Variants in SCAPER observed in about 807,000 individuals in gnomAD.
SCAPER encodes the protein S-phase cyclin A associated protein in the ER, also known as S phase cyclin A-associated protein in the endoplasmic reticulum.
A neutral mutation model predicts 182.2 loss-of-function variants in SCAPER; 98 were observed. The ratio of observed to expected loss-of-function variants is 0.54; its 90% CI spans 0.46 to 0.64. The LOEUF is 0.64. SCAPER is among the 30% of genes least tolerant of loss of function. SCAPER has a pLI of 0.00. For missense variants in SCAPER, 1,432 were observed against 1,690.0 expected (o/e 0.85, Z 2.68); for synonymous variants, 605 against 564.6 (o/e 1.07, Z -1.01).
chr15:76,685,767 GACA>G lies in SCAPER; in HGVS notation c.2508+15988_2508+15990del, dbSNP rs564568705. On this transcript the variant is annotated intron_variant, in intron 20 of 31. Transcript: ENST00000563290. ...AAAAAGATCTTGTTCTCCTGTGTAG[GACA>G]ACAAGTTTCTTAAGTAAGATAACAT... 7.4e-4 allele frequency among the ~76,000 whole-genome samples: 112 copies of G among 152,052 alleles called. 2 individuals carry two copies. The South Asian group carries it at 0.015, about 20-fold the overall frequency.
chr15:76,382,910 C>CT (rs2043044078), intron 27 of SCAPER, among the ~76,000 whole-genome samples: 1 of 152,080 alleles, frequency 6.6e-6, no homozygotes, highest in Non-Finnish European at 1.5e-5. Context: ...TCATGACACT[C>CT]TGATTTTTCT....
intron 1 of SCAPER, among the ~76,000 whole-genome samples, chr15:76,897,811 C>T (rs2074520347): frequency 6.6e-6 from 1 of 152,174 alleles, no homozygotes; most frequent in Non-Finnish European, 1.5e-5. Flanking sequence ...AATTAGGCAC[C>T]TGACAGATTA....
intron 23 of SCAPER, among the ~76,000 whole-genome samples, chr15:76,518,314 T>C (rs2042589935): frequency 6.6e-6 from 1 of 152,202 alleles, no homozygotes; most frequent in African/African-American, 2.4e-5. Flanking sequence ...TCAGCAGAGA[T>C]ACTGCTTCAG....
intron 8 of SCAPER, among the ~76,000 whole-genome samples, chr15:76,790,212 CAG>C (rs2064906212): frequency 7.4e-6 from 1 of 135,738 alleles, no homozygotes; most frequent in Non-Finnish European, 1.6e-5. Flanking sequence ...GCCTGGGAGA[CAG>C]AGCAAGACTC....
chr15:76,776,942 T>C (rs1469428880), intron 8 of SCAPER, among the ~76,000 whole-genome samples: 1 of 151,996 alleles, frequency 6.6e-6, no homozygotes, highest in Non-Finnish European at 1.5e-5. Context: ...GGCTGAAAAA[T>C]TCCTAAATTT....
chr15:76,722,640 C>T (rs1211790663), intron 17 of SCAPER, among the ~76,000 whole-genome samples: 1 of 152,170 alleles, frequency 6.6e-6, no homozygotes, highest in Non-Finnish European at 1.5e-5. Flanking sequence ...TCAACTTCTT[C>T]CTGGTTAAGT....
At chr15:76,379,376 T>C (rs2042785363) in intron 28 of SCAPER, among the ~76,000 whole-genome samples, 1 of 152,128 alleles carries the variant, frequency 6.6e-6, no homozygotes, top group African/African-American at 2.4e-5. Flanking sequence ...ACTGGAGAAT[T>C]GTGAGAACCA....
At chr15:76,649,469 A>T (rs1366812735) in intron 21 of SCAPER, among the ~76,000 whole-genome samples, 4 of 152,032 alleles carry the variant, frequency 2.6e-5, no homozygotes, top group African/African-American at 9.7e-5. Flanking sequence ...CAGCAACAAC[A>T]AACAAATCAG....
chr15:76,897,512 C>A (rs768521750), intron 1 of SCAPER, among the ~76,000 whole-genome samples: 16 of 152,050 alleles, frequency 1.1e-4, no homozygotes, highest in Non-Finnish European at 2.1e-4. Flanking sequence ...TCAAGACCAG[C>A]CTGGACAACA....
intron 17 of SCAPER, among the ~76,000 whole-genome samples, chr15:76,710,655 A>C (rs1238455824): frequency 6.6e-6 from 1 of 152,160 alleles, no homozygotes; most frequent in Non-Finnish European, 1.5e-5. Flanking sequence ...GAAACATCAT[A>C]TTCATGGATT....
intron 15 of SCAPER, among the ~76,000 whole-genome samples, chr15:76,741,451 C>T (rs2061532955): frequency 6.6e-6 from 1 of 151,906 alleles, no homozygotes; most frequent in South Asian, 2.1e-4. Context: ...GGTTTTTGGC[C>T]TGAGAGGCAT....
At chr15:76,496,509 T>C (rs1210461121) in intron 24 of SCAPER, among the ~76,000 whole-genome samples, 1 of 152,216 alleles carries the variant, frequency 6.6e-6, no homozygotes, top group Non-Finnish European at 1.5e-5. Context: ...ATATATTTTC[T>C]TTTCTTTGAT....
intron 20 of SCAPER, among the ~76,000 whole-genome samples, chr15:76,699,312 G>A (rs1342716560): frequency 6.6e-6 from 1 of 152,126 alleles, no homozygotes; most frequent in African/African-American, 2.4e-5. Flanking sequence ...GAATAGGAGT[G>A]GCGAGAGTGG....
Position 76,376,265 on chromosome 15 carries a change from G to A in SCAPER, c.3752C>T (p.Ala1251Val), listed in dbSNP as rs1266493030. The change falls in exon 29 of 32, where the codon GCC (alanine) becomes GTC (valine). Residue 1251 changes from alanine (A) to valine (V), a missense_variant. Coordinates refer to ENST00000563290, the MANE Select transcript of SCAPER (RefSeq NM_020843.4). ...EGLSLAFRHM[A>V]SSLLGHCSQV... ...GCTGCAGTGGCCCAGCAGGGAGCTG[G>A]CCATGTGCCGGAATGCAAGGGACAA... 2.5e-6 allele frequency: 4 copies of A among 1,613,778 alleles called. No individual in the cohort carries two copies. The highest frequency in any genetic ancestry group is 1.7e-5 in the Admixed American group (1 of 59,992).
Position 76,633,988 on chromosome 15 carries a change from T to G in SCAPER, c.2646-12159A>C, listed in dbSNP as rs529611969. On this transcript the variant is annotated intron_variant, in intron 21 of 31. Transcript: ENST00000563290. Reference sequence around the variant, plus strand: ...CCATGGAGTGGATGGATCTCCTGCCTCACTTGAGTTCCCAGAGCCACAGTA... The same window carrying G: ...CCATGGAGTGGATGGATCTCCTGCCGCACTTGAGTTCCCAGAGCCACAGTA... Among the ~76,000 whole-genome samples, 191 of 152,338 alleles carry G rather than the reference T, an allele frequency of 1.3e-3. 2 individuals are homozygous for G. Among genetic ancestry groups the G allele is most frequent in the African/African-American group, 4.5e-3 (187 of 41,596 alleles).
intron 14 of SCAPER, among the ~76,000 whole-genome samples, chr15:76,754,517 G>A (rs2062293929): frequency 6.6e-6 from 1 of 152,074 alleles, no homozygotes; most frequent in Admixed American, 6.6e-5. Flanking sequence ...GATAGATGTA[G>A]TAATTGCTAT....
At chr15:76,712,437 A>T (rs1217488017) in intron 17 of SCAPER, among the ~76,000 whole-genome samples, 1 of 152,124 alleles carries the variant, frequency 6.6e-6, no homozygotes, top group Non-Finnish European at 1.5e-5. Flanking sequence ...TTTTGGTTCC[A>T]TATGAACTTT....
At chr15:76,491,318 G>A (rs1437007576) in intron 24 of SCAPER, among the ~76,000 whole-genome samples, 1 of 152,128 alleles carries the variant, frequency 6.6e-6, no homozygotes, top group East Asian at 1.9e-4. Flanking sequence ...TCACTGCATA[G>A]ATGTACCACA....
intron 21 of SCAPER, among the ~76,000 whole-genome samples, chr15:76,637,534 T>C (rs769165781): frequency 1.3e-5 from 2 of 151,878 alleles, no homozygotes; most frequent in South Asian, 4.2e-4. Context: ...CCCCCATCTC[T>C]ACACACAAAA....
Sources: allele counts gnomAD v4.1 joint callset (sites outside exome capture counted in the v4.1 genomes callset), GRCh38; gene constraint gnomAD v4.1.1; transcripts MANE v1.5; gene names NCBI Gene and HGNC (gene_info 2026-07-23, HGNC 2026-07-21).